PLXNA4: variants seen among roughly 807,000 people sequenced by gnomAD.
The protein encoded by PLXNA4 is plexin-A4.
A neutral mutation model predicts 191.8 loss-of-function variants in PLXNA4; 44 were observed. The observed-to-expected ratio is 0.23, with a 90% CI of 0.18 to 0.29. The LOEUF (loss-of-function observed/expected upper bound fraction) is 0.29. PLXNA4 is among the 10% of genes least tolerant of loss of function. PLXNA4 has a pLI of 1.00. For synonymous variants in PLXNA4, 1,082 were observed against 1,009.5 expected, an observed-to-expected ratio of 1.07 and a Z score of -1.36; for missense variants, 1,800 against 2,488.8, an observed-to-expected ratio of 0.72 and a Z score of 5.89.
intron 1 of PLXNA4, among the ~76,000 whole-genome samples, chr7:132,572,857 C>T (rs1305773941): frequency 6.6e-6 from 1 of 152,218 alleles, no homozygotes; most frequent in Non-Finnish European, 1.5e-5. Context: ...CCAAGCATAG[C>T]TCGATAGAGC....
intron 2 of PLXNA4, among the ~76,000 whole-genome samples, chr7:132,505,345 G>A (rs984569103): frequency 6.6e-6 from 1 of 152,168 alleles, no homozygotes; most frequent in Admixed American, 6.5e-5. Context: ...ACGAACACTT[G>A]CCCATGGGCA....
chr7:132,400,405 T>C (rs997024534), intron 3 of PLXNA4, among the ~76,000 whole-genome samples: 1 of 152,192 alleles, frequency 6.6e-6, no homozygotes, highest in Non-Finnish European at 1.5e-5. Flanking sequence ...ACCCAGACTC[T>C]TGTGTTCTCT....
chr7:132,169,716 CTCCTGGGGGACTGGCCA>C (rs1796227909), intron 21 of PLXNA4, among the ~76,000 whole-genome samples: 1 of 152,040 alleles, frequency 6.6e-6, no homozygotes, highest in African/African-American at 2.4e-5. Flanking sequence ...CACCCCGGGA[CTCCTGGGGGACTGGCCA>C]TGTTCTGCTT....
chr7:132,170,582 A>G (rs1045655791), intron 21 of PLXNA4, among the ~76,000 whole-genome samples: 8 of 152,242 alleles, frequency 5.3e-5, no homozygotes, highest in Non-Finnish European at 8.8e-5. Context: ...CTCATTACCA[A>G]TACCCTGTGT....
chr7:132,333,012 A>G (rs1156816975), intron 3 of PLXNA4, among the ~76,000 whole-genome samples: 1 of 152,188 alleles, frequency 6.6e-6, no homozygotes, highest in Non-Finnish European at 1.5e-5. Flanking sequence ...CACTCACTCT[A>G]AAATAAAATG....
intron 3 of PLXNA4, among the ~76,000 whole-genome samples, chr7:132,481,420 C>A (rs1797330548): frequency 6.6e-6 from 1 of 151,958 alleles, no homozygotes; most frequent in African/African-American, 2.4e-5. Context: ...GATACGGGTC[C>A]CAGGACAACC....
At chr7:132,624,560 T>G (rs753445127) in intron 2 of PLXNA4, among the ~76,000 whole-genome samples, 2 of 152,046 alleles carry the variant, frequency 1.3e-5, no homozygotes, top group Non-Finnish European at 1.5e-5. Flanking sequence ...AGAAACCAAT[T>G]CAAAGCCCAA....
rs75508083 is a variant in PLXNA4, at chr7:132,464,647, G to A, written c.1371+24645C>T. Among the ~76,000 whole-genome samples the A allele has an allele frequency of 4.1e-3, 618 of 152,364 alleles. 3 individuals are homozygous for A. The highest frequency in any genetic ancestry group is 0.01 in the Middle Eastern group (3 of 294). On this transcript the variant is annotated intron_variant, in intron 3 of 31. Coordinates refer to ENST00000321063, the MANE Select transcript of PLXNA4 (RefSeq NM_020911.2). ...AAAATGTAACCCGAGATTCACATGT[G>A]AGGGTAGGTCCCTAAGAATCTGTAG...
chr7:132,576,561 C>G, upstream of PLXNA4: 1 of 986,060 alleles, frequency 1.0e-6, no homozygotes, highest in South Asian at 4.7e-5. This position sits in a 1 kb window ranked among gnomAD's most constrained non-coding sequence, Gnocchi z 5.8. Flanking sequence ...CAGCCCCGAA[C>G]GCAAATACTC....
At chr7:132,454,846 G>C (rs1563108625) in intron 3 of PLXNA4, among the ~76,000 whole-genome samples, 1 of 152,122 alleles carries the variant, frequency 6.6e-6, no homozygotes, top group Admixed American at 6.5e-5. Context: ...GCCACCAGGA[G>C]AGCGAAGGAA....
chr7:132,564,108 TCTCCTC>T lies in PLXNA4; in HGVS notation c.-87+12308_-87+12313del, dbSNP rs1271255039. 2.5e-3 allele frequency among the ~76,000 whole-genome samples: 187 copies of T among 75,570 alleles called. 21 individuals carry two copies. Among genetic ancestry groups the T allele is most frequent in the African/African-American group, 9.3e-3 (178 of 19,092 alleles). 49.6% of individuals were successfully genotyped at this position (75,570 alleles called of 152,430 possible). A position where few individuals can be genotyped will look rare whatever the true frequency, so the allele number is the denominator to read the frequency against. ...TTCTCTTCCTCCTCCTCCTCCTCCT[TCTCCTC>T]CTCCTCTTCTTTCTCCTCCTCCTTC... On this transcript the variant is annotated intron_variant, in intron 1 of 31. Transcript: ENST00000321063.
chr7:132,562,435 C>T lies in PLXNA4; in HGVS notation c.-87+13987G>A, dbSNP rs575020315. On this transcript the variant is annotated intron_variant, in intron 1 of 31. Coordinates refer to ENST00000321063, the MANE Select transcript of PLXNA4 (RefSeq NM_020911.2). ...TCTCCTCCTTCTCCTACTCCTTTTC[C>T]TCTTCATCCTCCTCCTCCTTCTCCT... 4.3e-4 allele frequency among the ~76,000 whole-genome samples: 50 copies of T among 115,398 alleles called. 1 individual carries two copies. Among genetic ancestry groups the T allele is most frequent in the Middle Eastern group, 7.5e-3 (1 of 134 alleles). The allele number at this position is 115,398 out of a possible 152,430, so 75.7% of individuals were successfully genotyped here. A position where few individuals can be genotyped will look rare whatever the true frequency, so the allele number is the denominator to read the frequency against.
chr7:132,524,292 T>C (rs1044356308), intron 1 of PLXNA4, among the ~76,000 whole-genome samples: 4 of 152,184 alleles, frequency 2.6e-5, no homozygotes, highest in Non-Finnish European at 5.9e-5. Flanking sequence ...AAGGAAGAAC[T>C]ACCACAGCAA....
At chr7:132,562,552 CCTT>C (rs1297667132) in intron 1 of PLXNA4, among the ~76,000 whole-genome samples, 11 of 128,612 alleles carry the variant, frequency 8.6e-5, no homozygotes, top group South Asian at 6.2e-4. Flanking sequence ...TCCTCCTCCT[CCTT>C]CTCTTCCTCC....
chr7:132,250,598 CG>C (rs1201756038), intron 4 of PLXNA4, among the ~76,000 whole-genome samples: 1 of 152,084 alleles, frequency 6.6e-6, no homozygotes, highest in African/African-American at 2.4e-5. Context: ...TCCAGGGCTG[CG>C]GGGTTGCAAT....
intron 2 of PLXNA4, among the ~76,000 whole-genome samples, chr7:132,610,078 A>G (rs1803016731): frequency 6.6e-6 from 1 of 152,326 alleles, no homozygotes; most frequent in East Asian, 1.9e-4. Flanking sequence ...CCCTTCCTTT[A>G]GATGAGTTTA....
intron 3 of PLXNA4, among the ~76,000 whole-genome samples, chr7:132,376,693 C>T (rs924311220): frequency 6.6e-6 from 1 of 152,198 alleles, no homozygotes; most frequent in Non-Finnish European, 1.5e-5. Flanking sequence ...GCAGTGGAGG[C>T]AGCGCCCACC....
chr7:132,232,779 G>A (rs1254387822), intron 5 of PLXNA4, among the ~76,000 whole-genome samples: 2 of 152,156 alleles, frequency 1.3e-5, no homozygotes, highest in Admixed American at 6.5e-5. Context: ...AGGGAGAGAG[G>A]TGGTGATTAA....
At chr7:132,148,150 A>G (rs941743626) in intron 26 of PLXNA4, 151 bp from the exon 27 acceptor site, 71 of 1,200,608 alleles carry the variant, frequency 5.9e-5, no homozygotes, top group Non-Finnish European at 8.1e-5. Flanking sequence ...TCCTTGGAGC[A>G]GAACAAGACA....
Sources: gnomAD v4.1 joint callset for allele counts (sites outside exome capture counted in the v4.1 genomes callset) on GRCh38, gnomAD v4.1.1 for gene constraint, Gnocchi (gnomAD v3.1) non-coding constraint, MANE v1.5 for transcripts, NCBI Gene and HGNC (gene_info 2026-07-23, HGNC 2026-07-21) for gene names.